Variants in DYNC2I2 observed in about 807,000 individuals in gnomAD.
The protein encoded by DYNC2I2 is dynein 2 intermediate chain 2, also known as cytoplasmic dynein 2 intermediate chain 2.
In DYNC2I2, 39 loss-of-function variants were observed where a neutral mutation model predicts 52.0. The ratio of observed to expected loss-of-function variants is 0.75; its 90% CI spans 0.58 to 0.98. The LOEUF is 0.98. Among genes scored for constraint, DYNC2I2 ranks in the 50% least tolerant of loss-of-function variants. The pLI is 0.00. For missense variants in DYNC2I2, 743 were observed against 728.4 expected (o/e 1.02, Z -0.23); for synonymous variants, 359 against 321.1 (o/e 1.12, Z -1.26).
the DYNC2I2 span, among the ~76,000 whole-genome samples, chr9:128,684,170 C>G: frequency 6.6e-6 from 1 of 152,118 alleles, no homozygotes; most frequent in South Asian, 2.1e-4. Context: ...CCAGAAGGGA[C>G]TAGACTGGGA....
chr9:128,675,652 G>A, the DYNC2I2 span, among the ~76,000 whole-genome samples: 1 of 152,178 alleles, frequency 6.6e-6, no homozygotes, highest in Non-Finnish European at 1.5e-5. Flanking sequence ...AAGCGGACAG[G>A]TGAACAGATA....
intron 1 of DYNC2I2, 125 bp downstream of exon 1, chr9:128,656,416 G>C (rs1860825169): frequency 2.8e-6 from 2 of 714,042 alleles, no homozygotes; most frequent in East Asian, 1.0e-4. Context: ...GAACCCGCCC[G>C]GCAGCCACGG....
intron 1 of DYNC2I2, among the ~76,000 whole-genome samples, chr9:128,644,525 C>G (rs1860577083): frequency 1.3e-5 from 2 of 152,164 alleles, no homozygotes. Context: ...GTGATCCTCC[C>G]TCCTCTGCCT....
chr9:128,662,860 A>G, the DYNC2I2 span, among the ~76,000 whole-genome samples: 108,810 of 151,216 alleles, frequency 0.72, 42,730 homozygotes, highest in Non-Finnish European at 0.89. Context: ...CACTGCACCC[A>G]GCCTTTTTTT....
chr9:128,670,384 G>A, the DYNC2I2 span, among the ~76,000 whole-genome samples: 2 of 151,882 alleles, frequency 1.3e-5, no homozygotes, highest in Non-Finnish European at 1.5e-5. Flanking sequence ...AGGTTGCAGT[G>A]AGCTGAGATT....
chr9:128,640,721 G>T lies in DYNC2I2; in HGVS notation c.405C>A (p.Phe135Leu). Reference sequence around the variant, plus strand: ...GCTGCTGCTCGGTCCAGTTCACCTCGAAGCCATCAAACGCGTGGCTCTGCC... The same window carrying T: ...GCTGCTGCTCGGTCCAGTTCACCTCTAAGCCATCAAACGCGTGGCTCTGCC... Reference protein sequence around the residue: ...KNWQSHAFDGFEVNWTEQQQM... With the variant: ...KNWQSHAFDGLEVNWTEQQQM... Residue 135 changes from phenylalanine (F) to leucine (L), a missense_variant, in exon 2 of 9, where the codon TTC becomes TTA. Phe to Leu is a conservative substitution (Grantham distance 22). Transcript: ENST00000372715. 1 of 1,614,170 alleles carries T rather than the reference G, an allele frequency of 6.2e-7. No individual in the cohort carries two copies. Among genetic ancestry groups the T allele is most frequent in the South Asian group, 1.1e-5 (1 of 91,088 alleles).
chr9:128,680,201 C>T, the DYNC2I2 span, among the ~76,000 whole-genome samples: 13 of 152,066 alleles, frequency 8.5e-5, no homozygotes, highest in Admixed American at 7.2e-4. Context: ...GCTGGGATTA[C>T]AGGCATGTGC....
intron 1 of DYNC2I2, among the ~76,000 whole-genome samples, chr9:128,643,523 T>A (rs1860556774): frequency 7.1e-6 from 1 of 141,048 alleles, no homozygotes; most frequent in South Asian, 2.2e-4. Context: ...TGAGACTCCA[T>A]CTCAAAAAAA....
intron 1 of DYNC2I2, among the ~76,000 whole-genome samples, chr9:128,645,070 G>C (rs1860588831): frequency 6.6e-6 from 1 of 152,096 alleles, no homozygotes; most frequent in Admixed American, 6.6e-5. Flanking sequence ...AGCCAATTAG[G>C]CCAGGCGCAG....
Position 128,636,998 on chromosome 9 carries a change from C to T in DYNC2I2, c.465G>A (p.Pro155=), listed in dbSNP as rs200527520. 8.7e-6 allele frequency: 14 copies of T among 1,613,326 alleles called. No homozygotes were observed. In the East Asian group the frequency reaches 1.1e-4, roughly 13 times the overall value. The change falls in exon 3 of 9, where the codon CCG becomes CCA. Residue 155 remains proline, a synonymous_variant. Transcript: ENST00000372715. ...CATGCAGACCCTGCGCTTGGGCTGG[C>T]GGGTAGCCCAGGGTATACAGACAAG... ...MVSCLYTLGY[P]PAQAQGLHVT... is the part of the protein sequence containing the mutation.
chr9:128,657,909 G>A (rs1188705722), upstream of DYNC2I2, among the ~76,000 whole-genome samples: 1 of 152,088 alleles, frequency 6.6e-6, no homozygotes, highest in African/African-American at 2.4e-5. Context: ...GGGCAACACA[G>A]CAAGACTCCC....
Position 128,635,730 on chromosome 9 carries a change from C to T in DYNC2I2, c.741G>A (p.Leu247=), listed in dbSNP as rs370242616. 32 of 1,613,184 alleles carry T rather than the reference C, an allele frequency of 2.0e-5. No individual in the cohort carries two copies. In the African/African-American group the frequency reaches 3.6e-4, roughly 18 times the overall value. Reference sequence around the variant, plus strand: ...ACAGCAGCGGGTCCTCAAGACGGCTCAGGTCCCACACCAACACCTCACCAC... The same window carrying T: ...ACAGCAGCGGGTCCTCAAGACGGCTTAGGTCCCACACCAACACCTCACCAC... ...LYSGEVLVWD[L]SRLEDPLLWR... Residue 247 remains leucine (L), a synonymous_variant, in exon 5 of 9, where the codon CTG becomes CTA. Transcript: ENST00000372715.
At chr9:128,661,876 T>C in the DYNC2I2 span, among the ~76,000 whole-genome samples, 2 of 151,670 alleles carry the variant, frequency 1.3e-5, no homozygotes, top group African/African-American at 4.8e-5. Flanking sequence ...ACCCCGTCTC[T>C]ACTAAAAATA....
the DYNC2I2 span, among the ~76,000 whole-genome samples, chr9:128,675,099 CA>C: frequency 6.6e-6 from 1 of 152,128 alleles, no homozygotes; most frequent in East Asian, 1.9e-4. Flanking sequence ...GCCAGAAAGA[CA>C]GGGGTTGGAA....
chr9:128,652,957 T>A lies in DYNC2I2; in HGVS notation c.186+3584A>T, dbSNP rs1349161086. On this transcript the variant is annotated intron_variant, in intron 1 of 8. Transcript: ENST00000372715. Reference sequence around the variant, plus strand: ...TAAGTACCAAGAGTGCCAGGCACGGTGGCTCACACCTGTAATCCCCAAGCA... The same window carrying A: ...TAAGTACCAAGAGTGCCAGGCACGGAGGCTCACACCTGTAATCCCCAAGCA... 4.1e-5 allele frequency among the ~76,000 whole-genome samples: 6 copies of A among 146,350 alleles called. 1 individual carries two copies. The highest frequency in any genetic ancestry group is 5.9e-5 in the Non-Finnish European group (4 of 67,446).
At chr9:128,643,487 A>G (rs1476506506) in intron 1 of DYNC2I2, among the ~76,000 whole-genome samples, 3 of 151,248 alleles carry the variant, frequency 2.0e-5, no homozygotes, top group Non-Finnish European at 4.4e-5. Context: ...AGATCGTGCC[A>G]CTGCACTCCA....
At chr9:128,637,082 T>G (rs1860429914) in intron 2 of DYNC2I2, 55 bp from the exon 3 acceptor site, 3 of 1,374,802 alleles carry the variant, frequency 2.2e-6, no homozygotes, top group Middle Eastern at 1.8e-4. Context: ...GCCTCATGAC[T>G]GCCTAACCAA....
chr9:128,639,886 G>C, intron 2 of DYNC2I2, among the ~76,000 whole-genome samples: 1 of 151,970 alleles, frequency 6.6e-6, no homozygotes, highest in East Asian at 1.9e-4. Context: ...GGCTGGTCTC[G>C]AACTGCCAAC....
intron 2 of DYNC2I2, among the ~76,000 whole-genome samples, chr9:128,639,103 TA>T (rs551700306): frequency 4.3e-4 from 65 of 151,930 alleles, no homozygotes; most frequent in African/African-American, 1.5e-3. Context: ...ACCCTAACTC[TA>T]AAAAAATTTT....
Sources: allele counts gnomAD v4.1 joint callset (sites outside exome capture counted in the v4.1 genomes callset), GRCh38; gene constraint gnomAD v4.1.1; transcripts MANE v1.5; gene names NCBI Gene and HGNC (gene_info 2026-07-23, HGNC 2026-07-21).